Variants in TSHZ1 observed in about 807,000 individuals in gnomAD.
TSHZ1 encodes the protein teashirt homolog 1.
In TSHZ1, 12 loss-of-function variants were observed where a neutral mutation model predicts 67.1. The observed-to-expected ratio is 0.18, with a 90% CI of 0.11 to 0.29. TSHZ1 has a LOEUF of 0.29. TSHZ1 is among the 10% of genes least tolerant of loss of function. The probability of loss-of-function intolerance (pLI) is 1.00; values close to 1 mark genes in which losing one functional copy is unlikely to be tolerated. For synonymous variants in TSHZ1, 632 were observed against 622.4 expected (o/e 1.02, Z -0.23); for missense variants, 1,305 against 1,413.9 (o/e 0.92, Z 1.23).
chr18:75,216,759 G>T (rs1043602016), intron 1 of TSHZ1, among the ~76,000 whole-genome samples: 2 of 152,150 alleles, frequency 1.3e-5, no homozygotes, highest in Admixed American at 6.5e-5. Flanking sequence ...CCAGGGTGGT[G>T]CCCACCAGTG....
chr18:75,252,071 G>A (rs1050172328), intron 1 of TSHZ1, among the ~76,000 whole-genome samples: 10 of 152,172 alleles, frequency 6.6e-5, no homozygotes, highest in Non-Finnish European at 1.2e-4. Flanking sequence ...ATTAATGTCT[G>A]TCTGTCTATC....
At chr18:75,215,672 T>C (rs2022757321) in intron 1 of TSHZ1, among the ~76,000 whole-genome samples, 1 of 152,164 alleles carries the variant, frequency 6.6e-6, no homozygotes, top group Non-Finnish European at 1.5e-5. Flanking sequence ...ATGATGTTGA[T>C]TGGATGAGTA....
At position 75,211,004 on chromosome 18, in the gene TSHZ1, G is replaced by T. The variant is rs1307609344; in HGVS notation, c.-873G>T. On this transcript the variant is annotated 5_prime_UTR_variant, in exon 1 of 2. The change creates a new upstream start codon in the 5' untranslated region. Transcript: ENST00000580243. Reference sequence around the variant, plus strand: ...GTTGTTGCCTTTTTTTTTTCTTGGAGGGGGGGGTGCTTTTTGTGTATTTTT... The same window carrying T: ...GTTGTTGCCTTTTTTTTTTCTTGGATGGGGGGGTGCTTTTTGTGTATTTTT... The T allele has an allele frequency of 3.5e-5, 1 of 28,472 alleles. No homozygotes were observed. Among genetic ancestry groups the T allele is most frequent in the African/African-American group, 1.6e-4 (1 of 6,284 alleles). The allele number at this position is 28,472 out of a possible 1,614,324, so 1.8% of individuals were successfully genotyped here.
chr18:75,282,784 A>G (rs2023702187), intron 1 of TSHZ1: 1 of 152,236 alleles, frequency 6.6e-6, no homozygotes, highest in African/African-American at 2.4e-5. Flanking sequence ...GTATGTGGAT[A>G]TGGTAGCCCA....
intron 1 of TSHZ1, among the ~76,000 whole-genome samples, chr18:75,223,253 T>TA (rs1486458560): frequency 6.6e-6 from 1 of 152,242 alleles, no homozygotes; most frequent in African/African-American, 2.4e-5. Context: ...AATTGCTTCT[T>TA]AAAAATAATT....
In TSHZ1 at chr18:75,287,733, A is replaced by G. The variant is rs1416115315; in HGVS notation, c.2326A>G (p.Lys776Glu). The G allele has an allele frequency of 1.2e-6, 2 of 1,614,146 alleles. No individual in the cohort carries two copies. Among genetic ancestry groups the G allele is most frequent in the Non-Finnish European group, 1.7e-6 (2 of 1,180,048 alleles). The change falls in exon 2 of 2, where the codon AAG becomes GAG. Residue 776 changes from lysine (K) to glutamate (E), a missense_variant. By Grantham distance (56) the Lys-to-Glu change is moderately conservative. Coordinates refer to ENST00000580243, the MANE Select transcript of TSHZ1 (RefSeq NM_001308210.2). This position sits in a 1 kb window ranked among gnomAD's most constrained non-coding sequence, Gnocchi z 5.0. ...PSLDPLAMLY[K>E]ISNSMLDKPV... ...GCTGGACCCGCTGGCGATGCTGTAC[A>G]AGATCAGCAACAGCATGCTGGACAA...
intron 1 of TSHZ1, among the ~76,000 whole-genome samples, chr18:75,269,430 A>G (rs1457011090): frequency 6.6e-6 from 1 of 151,884 alleles, no homozygotes; most frequent in Non-Finnish European, 1.5e-5. Flanking sequence ...CCCCTGTGCT[A>G]TGATTAAGTG....
At chr18:75,226,778 C>T (rs114796332) in intron 1 of TSHZ1, among the ~76,000 whole-genome samples, 1,601 of 152,222 alleles carry the variant, frequency 0.011, 26 homozygotes, top group African/African-American at 0.036. Flanking sequence ...CCTTGGGAAA[C>T]GCCGCCGACA....
At position 75,287,390 on chromosome 18, in the gene TSHZ1, G is replaced by A; in HGVS notation, c.1983G>A (p.Lys661=). The A allele has an allele frequency of 1.2e-6, 2 of 1,614,012 alleles. No homozygotes were observed. The highest frequency in any genetic ancestry group is 1.3e-5 in the African/African-American group (1 of 75,046). The change falls in exon 2 of 2, where the codon AAG becomes AAA. Residue 661 remains lysine, a synonymous_variant. Transcript: ENST00000580243. This position sits in a 1 kb window ranked among gnomAD's most constrained non-coding sequence, Gnocchi z 5.0. The stretch of plus-strand genomic sequence containing the variant: ...AGAAGGAGGAGAGACCCCCTGAGAA[G>A]GAGAAGAGCTCCCTGGCCAAGGCTG... The part of the protein sequence containing the change: ...NIKKEERPPE[K]EKSSLAKAAS...
Position 75,286,113 on chromosome 18 carries a change from T to A in TSHZ1, c.706T>A (p.Tyr236Asn). The change falls in exon 2 of 2, where the codon TAC becomes AAC. Residue 236 changes from tyrosine (Y) to asparagine (N), a missense_variant. This residue lies in a region of TSHZ1 where 358 missense variants were observed against 375.6 expected (regional missense o/e 0.95). Coordinates refer to ENST00000580243, the MANE Select transcript of TSHZ1 (RefSeq NM_001308210.2). The surrounding 1 kb of genome is among the most constrained non-coding windows in gnomAD (Gnocchi z 5.1). ...VQLYRQNNKL[Y>N]GSVFTGASKF... ...GCTCTACCGCCAGAACAACAAGCTC[T>A]ACGGCTCCGTCTTCACGGGCGCCAG... 6.2e-7 allele frequency: 1 copy of A among 1,612,592 alleles called. No homozygotes were observed. Among genetic ancestry groups the A allele is most frequent in the Non-Finnish European group, 8.5e-7 (1 of 1,178,824 alleles).
At chr18:75,270,490 A>G (rs187182964) in intron 1 of TSHZ1, among the ~76,000 whole-genome samples, 1 of 152,332 alleles carries the variant, frequency 6.6e-6, no homozygotes, top group African/African-American at 2.4e-5. Context: ...TCTCTCAAAT[A>G]TAGTCCTCCC....
intron 1 of TSHZ1, among the ~76,000 whole-genome samples, chr18:75,238,098 G>A (rs1298034809): frequency 1.3e-5 from 2 of 152,166 alleles, no homozygotes; most frequent in African/African-American, 2.4e-5. Context: ...ACCACGCCAG[G>A]CTGACTGAAG....
At chr18:75,269,375 G>A (rs2023530374) in intron 1 of TSHZ1, among the ~76,000 whole-genome samples, 1 of 152,148 alleles carries the variant, frequency 6.6e-6, no homozygotes, top group South Asian at 2.1e-4. Flanking sequence ...TGCTCAAGGA[G>A]ACCTGGCCCA....
At chr18:75,268,328 G>A (rs2023517468) in intron 1 of TSHZ1, among the ~76,000 whole-genome samples, 2 of 152,202 alleles carry the variant, frequency 1.3e-5, no homozygotes. Context: ...CATGATAGGA[G>A]AGAGGAAATA....
rs761382436 is a variant in TSHZ1, at chr18:75,287,467, G to A, written c.2060G>A (p.Ser687Asn). ...NKDFPKTEEV[S>N]GKPQKKGPEA... ...GATTTCCCGAAAACGGAGGAAGTCA[G>A]CGGCAAACCACAGAAGAAGGGCCCT... Residue 687 changes from serine (S) to asparagine (N), a missense_variant, in exon 2 of 2, where the codon AGC becomes AAC. By Grantham distance (46) the Ser-to-Asn change is conservative (BLOSUM62 1). Transcript: ENST00000580243. The surrounding 1 kb of genome is among the most constrained non-coding windows in gnomAD (Gnocchi z 5.0). 1.9e-6 allele frequency: 3 copies of A among 1,614,244 alleles called. No individual in the cohort carries two copies. The Admixed American group carries it at 5.0e-5, about 27-fold the overall frequency.
intron 1 of TSHZ1, among the ~76,000 whole-genome samples, chr18:75,268,560 C>T (rs574411049): frequency 6.7e-4 from 102 of 152,286 alleles, no homozygotes; most frequent in African/African-American, 2.3e-3. Flanking sequence ...TTCCCCGTGT[C>T]GGCTACAAAA....
Position 75,280,507 on chromosome 18 carries a change from TA to T in TSHZ1, c.41-4939del, listed in dbSNP as rs541091543. ...CATATCTTCTCTGGCATTTAGATGT[TA>T]ATGAGACAAAAGAAAATAACTTGAT... On this transcript the variant is annotated intron_variant, in intron 1 of 1. Transcript: ENST00000580243. Among the ~76,000 whole-genome samples, 603 of 152,326 alleles carry T rather than the reference TA, an allele frequency of 4.0e-3. 4 individuals carry two copies. Among genetic ancestry groups the T allele is most frequent in the Non-Finnish European group, 7.2e-3 (492 of 68,032 alleles).
chr18:75,229,969 A>G (rs1192155852), intron 1 of TSHZ1, among the ~76,000 whole-genome samples: 1 of 152,170 alleles, frequency 6.6e-6, no homozygotes, highest in Non-Finnish European at 1.5e-5. Context: ...AAATGCTCAT[A>G]ATGGTGGTGA....
rs774253030 is a variant in TSHZ1 at position 75,286,471 on chromosome 18, C to T, written c.1064C>T (p.Ala355Val). Residue 355 changes from alanine (A) to valine (V), a missense_variant, in exon 2 of 2, where the codon GCG becomes GTG. Transcript: ENST00000580243. This position sits in a 1 kb window ranked among gnomAD's most constrained non-coding sequence, Gnocchi z 5.1. ...TKLVPSTKKR[A>V]LQDLAPPCSP... ...CTGGTCCCCTCCACCAAAAAGCGGG[C>T]GCTTCAGGACCTGGCGCCCCCCTGC... 57 of 1,614,076 alleles carry T rather than the reference C, an allele frequency of 3.5e-5. 2 individuals are homozygous for T. Among genetic ancestry groups the T allele is most frequent in the South Asian group, 3.3e-4 (30 of 91,092 alleles).
Sources: gnomAD v4.1 joint callset for allele counts (sites outside exome capture counted in the v4.1 genomes callset) on GRCh38, gnomAD v4.1.1 for gene constraint, gnomAD v4.1.1 regional missense constraint, Gnocchi (gnomAD v3.1) non-coding constraint, MANE v1.5 for transcripts, NCBI Gene and HGNC (gene_info 2026-07-23, HGNC 2026-07-21) for gene names.